SOX5: variants seen among roughly 807,000 people sequenced by gnomAD.
SOX5 encodes the protein SRY-box transcription factor 5.
Under a neutral mutation model 92.0 loss-of-function variants are expected in SOX5, and 9 were observed. That is an observed-to-expected ratio of 0.10 (90% CI 0.06 to 0.17). The LOEUF (loss-of-function observed/expected upper bound fraction) is 0.17, where lower values mean the gene tolerates loss of function less well. Ranked by LOEUF, SOX5 falls within the 10% of genes least tolerant of loss-of-function variation. The probability of loss-of-function intolerance (pLI) is 1.00; values close to 1 mark genes in which losing one functional copy is unlikely to be tolerated. For synonymous variants in SOX5, 344 were observed against 336.3 expected (o/e 1.02, Z -0.25); for missense variants, 642 against 944.5 (o/e 0.68, Z 4.20).
At chr12:23,837,086 G>A (rs894141912) in intron 3 of SOX5, among the ~76,000 whole-genome samples, 2 of 149,386 alleles carry the variant, frequency 1.3e-5, no homozygotes, top group African/African-American at 2.5e-5. Context: ...GTAAGGTTTT[G>A]GTGACTATTC....
intron 4 of SOX5, among the ~76,000 whole-genome samples, chr12:24,034,337 A>ATGCCTCGCCCCTCCTCTCTCC (rs1955803653): frequency 2.6e-5 from 4 of 152,112 alleles, no homozygotes; most frequent in Admixed American, 2.6e-4. Context: ...CCCTCTCTGG[A>ATGCCTCGCCCCTCCTCTCTCC]TGCCTCGCCC....
intron 4 of SOX5, among the ~76,000 whole-genome samples, chr12:24,094,085 T>C (rs1364592802): frequency 1.3e-5 from 2 of 152,136 alleles, no homozygotes; most frequent in African/African-American, 4.8e-5. Context: ...TAGCTGGGAT[T>C]ACAGGCGCCC....
chr12:23,909,699 T>A (rs1383112402), intron 1 of SOX5, among the ~76,000 whole-genome samples: 5 of 152,168 alleles, frequency 3.3e-5, no homozygotes, highest in Non-Finnish European at 7.4e-5. Context: ...AGTTAAGGGA[T>A]GGATAAAACA....
At chr12:23,592,460 C>T (rs1951706451) in intron 9 of SOX5, among the ~76,000 whole-genome samples, 1 of 152,120 alleles carries the variant, frequency 6.6e-6, no homozygotes, top group Non-Finnish European at 1.5e-5. Context: ...CTGCAGCTCA[C>T]AAGGCAAAGT....
Position 24,075,359 on chromosome 12 carries a change from A to G in SOX5, c.-2+137984T>C, listed in dbSNP as rs144771166. 4.4e-3 allele frequency among the ~76,000 whole-genome samples: 672 copies of G among 151,678 alleles called. 6 individuals are homozygous for G. The highest frequency in any genetic ancestry group is 0.015 in the African/African-American group (621 of 41,422). ...GTTTTCCTAATTTTTTATAGCACAT[A>G]AGTCTTAAATGAAAACTCAATATTA... On this transcript the variant is annotated intron_variant, in intron 4 of 4. Transcript: ENST00000446891.
chr12:23,623,378 T>C (rs901608994), intron 8 of SOX5, among the ~76,000 whole-genome samples: 21 of 152,126 alleles, frequency 1.4e-4, no homozygotes, highest in African/African-American at 5.1e-4. Flanking sequence ...GTTTTGCACA[T>C]TGTTTAATCT....
intron 4 of SOX5, among the ~76,000 whole-genome samples, chr12:24,187,045 T>C (rs1956082933): frequency 6.6e-6 from 1 of 152,098 alleles, no homozygotes; most frequent in Non-Finnish European, 1.5e-5. Context: ...GAAGGGCAAG[T>C]TTCCAAACTG....
At chr12:24,142,414 T>C (rs1185997158) in intron 4 of SOX5, among the ~76,000 whole-genome samples, 2 of 152,190 alleles carry the variant, frequency 1.3e-5, no homozygotes, top group African/African-American at 4.8e-5. Context: ...ACATTTGTTC[T>C]AGACTACACC....
intron 2 of SOX5, among the ~76,000 whole-genome samples, chr12:24,342,994 T>C (rs1267204201): frequency 3.3e-5 from 5 of 152,272 alleles, no homozygotes; most frequent in African/African-American, 9.6e-5. Context: ...CTAATGACTA[T>C]GGCATGAAAT....
intron 4 of SOX5, among the ~76,000 whole-genome samples, chr12:24,093,747 C>T (rs1944966077): frequency 6.7e-6 from 1 of 149,550 alleles, no homozygotes; most frequent in Admixed American, 6.7e-5. Flanking sequence ...GTACAAGTCC[C>T]GGGAGCTGAT....
chr12:24,018,151 C>A (rs894781315), intron 4 of SOX5, among the ~76,000 whole-genome samples: 11 of 152,160 alleles, frequency 7.2e-5, no homozygotes, highest in African/African-American at 2.4e-4. Flanking sequence ...CCCAGAGATT[C>A]TTCTTTTCAG....
Position 23,742,448 on chromosome 12 carries a change from AGAAT to A in SOX5, c.569-1413_569-1410del, listed in dbSNP as rs200080825. On this transcript the variant is annotated intron_variant, in intron 4 of 14. Transcript: ENST00000451604. ...ATATCTCAGATATTTGGATTCCATC[AGAAT>A]GAATGAACACTAACTCCATGAATAA... Among the ~76,000 whole-genome samples the A allele has an allele frequency of 1.7e-4, 26 of 152,332 alleles. No individual in the cohort carries two copies. In the East Asian group the frequency reaches 4.8e-3, roughly 28 times the overall value.
chr12:24,173,184 G>A (rs768314403), intron 4 of SOX5, among the ~76,000 whole-genome samples: 16 of 152,262 alleles, frequency 1.1e-4, no homozygotes, highest in Non-Finnish European at 1.5e-4. Context: ...GTGTACACTT[G>A]AGTTTTGAGC....
At chr12:24,038,956 G>A (rs1446703469) in intron 4 of SOX5, among the ~76,000 whole-genome samples, 1 of 152,056 alleles carries the variant, frequency 6.6e-6, no homozygotes, top group Non-Finnish European at 1.5e-5. Context: ...AATTATCACT[G>A]CTTTTTAAAA....
intron 4 of SOX5, among the ~76,000 whole-genome samples, chr12:24,012,841 C>G (rs759347796): frequency 2.6e-5 from 4 of 152,148 alleles, no homozygotes; most frequent in Non-Finnish European, 5.9e-5. Context: ...AGAGACATCA[C>G]TAGCGCAATG....
chr12:24,403,118 T>C (rs1270646213), intron 1 of SOX5, among the ~76,000 whole-genome samples: 5 of 152,248 alleles, frequency 3.3e-5, no homozygotes, highest in African/African-American at 7.2e-5. Context: ...ATTATTTCCA[T>C]CTTCTCATAC....
chr12:23,874,397 A>G (rs973556742), intron 2 of SOX5, among the ~76,000 whole-genome samples: 1 of 152,226 alleles, frequency 6.6e-6, no homozygotes, highest in African/African-American at 2.4e-5. Context: ...GACGCACCAT[A>G]CGCAGACCAC....
intron 1 of SOX5, among the ~76,000 whole-genome samples, chr12:24,518,193 C>T (rs907657339): frequency 4.0e-5 from 6 of 151,860 alleles, no homozygotes; most frequent in Non-Finnish European, 8.8e-5. Context: ...CTCAGCCTCC[C>T]GAGTAGCTGG....
chr12:24,356,638 T>C (rs748173199), intron 2 of SOX5, among the ~76,000 whole-genome samples: 18 of 152,172 alleles, frequency 1.2e-4, no homozygotes, highest in Admixed American at 1.0e-3. Context: ...GGCAACACCA[T>C]GCACAGGCCT....
Sources: allele counts gnomAD v4.1 joint callset (sites outside exome capture counted in the v4.1 genomes callset), GRCh38; gene constraint gnomAD v4.1.1; transcripts MANE v1.5; gene names NCBI Gene and HGNC (gene_info 2026-07-23, HGNC 2026-07-21).